The following LHFPL3 variants were observed in gnomAD, a reference collection of about 807,000 sequenced individuals.
LHFPL3 encodes the protein LHFPL tetraspan subfamily member 3, also known as LHFPL tetraspan subfamily member 3 protein.
Under a neutral mutation model 19.3 loss-of-function variants are expected in LHFPL3, and 5 were observed. The observed-to-expected ratio is 0.26, with a 90% CI of 0.14 to 0.54. The LOEUF is 0.54. LHFPL3 is among the 20% of genes least tolerant of loss of function. LHFPL3 has a pLI of 0.94. For missense variants in LHFPL3, 249 were observed against 307.4 expected (o/e 0.81, Z 1.42); for synonymous variants, 133 against 126.2 (o/e 1.05, Z -0.36).
chr7:104,732,346 T>C (rs1250022648), intron 1 of LHFPL3, among the ~76,000 whole-genome samples: 1 of 152,198 alleles, frequency 6.6e-6, no homozygotes, highest in Non-Finnish European at 1.5e-5. Flanking sequence ...TGTGAATCCA[T>C]CTGATCCTGG....
intron 1 of LHFPL3, among the ~76,000 whole-genome samples, chr7:104,589,129 C>T (rs1443974549): frequency 2.0e-5 from 3 of 152,102 alleles, no homozygotes; most frequent in East Asian, 1.9e-4. Context: ...ATTGCCCTGG[C>T]CAGAACTTCC....
chr7:104,649,959 T>C (rs1792000537), intron 1 of LHFPL3, among the ~76,000 whole-genome samples: 1 of 152,192 alleles, frequency 6.6e-6, no homozygotes, highest in African/African-American at 2.4e-5. Context: ...ATCTGCCTTT[T>C]TGATAGATCC....
At chr7:104,329,277 G>GGGGAGGGGCCAGAGT in intron 1 of LHFPL3, 53 bp downstream of exon 1, 1 of 1,541,786 alleles carries the variant, frequency 6.5e-7, no homozygotes, top group Non-Finnish European at 8.7e-7. Context: ...CGCCCGAGCC[G>GGGGAGGGGCCAGAGT]GGGAGGGGCC....
intron 1 of LHFPL3, among the ~76,000 whole-genome samples, chr7:104,434,841 T>A (rs1792072192): frequency 6.6e-6 from 1 of 152,224 alleles, no homozygotes; most frequent in African/African-American, 2.4e-5. Flanking sequence ...TGATCAATTC[T>A]ACAGACCATT....
chr7:104,628,979 T>G (rs561846099), intron 1 of LHFPL3, among the ~76,000 whole-genome samples: 1 of 152,358 alleles, frequency 6.6e-6, no homozygotes, highest in Non-Finnish European at 1.5e-5. Flanking sequence ...TAAAATGCCT[T>G]GGAAAAATTA....
chr7:104,646,579 T>G (rs1791939820), intron 1 of LHFPL3, among the ~76,000 whole-genome samples: 1 of 152,240 alleles, frequency 6.6e-6, no homozygotes, highest in Non-Finnish European at 1.5e-5. Flanking sequence ...TTGTTTTAAC[T>G]GGGAAGATTC....
intron 1 of LHFPL3, among the ~76,000 whole-genome samples, chr7:104,601,210 G>T (rs1790959159): frequency 6.6e-6 from 1 of 152,198 alleles, no homozygotes; most frequent in Non-Finnish European, 1.5e-5. Context: ...TCTGCTGGAA[G>T]ATGAAGGGGG....
chr7:104,391,387 T>C (rs1326508941), intron 1 of LHFPL3, among the ~76,000 whole-genome samples: 1 of 152,222 alleles, frequency 6.6e-6, no homozygotes, highest in African/African-American at 2.4e-5. Flanking sequence ...GGATCCAGTT[T>C]CAGCTTTCTA....
At chr7:104,436,258 A>G (rs914745272) in intron 1 of LHFPL3, among the ~76,000 whole-genome samples, 5 of 152,178 alleles carry the variant, frequency 3.3e-5, no homozygotes, top group Non-Finnish European at 7.4e-5. Flanking sequence ...AGTGGTTTGC[A>G]TTATATTTTT....
At chr7:104,421,629 C>T (rs41389845) in intron 1 of LHFPL3, among the ~76,000 whole-genome samples, 1 of 152,078 alleles carries the variant, frequency 6.6e-6, no homozygotes, top group Non-Finnish European at 1.5e-5. Flanking sequence ...GCTGTCAACA[C>T]TGGAGATTCC....
intron 1 of LHFPL3, among the ~76,000 whole-genome samples, chr7:104,514,068 C>G (rs1339865416): frequency 6.6e-6 from 1 of 152,232 alleles, no homozygotes; most frequent in Admixed American, 6.5e-5. Context: ...TGGTTATTAG[C>G]TCTCTTAACA....
At chr7:104,905,412 T>C (rs1047223580) in intron 2 of LHFPL3, among the ~76,000 whole-genome samples, 1 of 152,136 alleles carries the variant, frequency 6.6e-6, no homozygotes, top group African/African-American at 2.4e-5. Context: ...GGCAGAATAT[T>C]ATGCAGCCAT....
At chr7:104,835,266 G>T (rs1562808932) in intron 2 of LHFPL3, among the ~76,000 whole-genome samples, 1 of 150,906 alleles carries the variant, frequency 6.6e-6, no homozygotes, top group Admixed American at 6.6e-5. Flanking sequence ...CAGAGTAAGT[G>T]CCCCTTAAAT....
intron 2 of LHFPL3, among the ~76,000 whole-genome samples, chr7:104,870,299 T>C (rs1294543383): frequency 6.6e-6 from 1 of 152,162 alleles, no homozygotes; most frequent in South Asian, 2.1e-4. Flanking sequence ...AAGCAACACA[T>C]AGCAATGGCT....
rs558565257 is a variant in LHFPL3 at position 104,423,090 on chromosome 7, T to G, written c.445+93866T>G. On this transcript the variant is annotated intron_variant, in intron 1 of 2. Transcript: ENST00000424859. ...GGAAGAGAGAAAATAAATTACAGAGTGCATAAGGTCAGTGTGTCAGGAGGT... is the reference window on the plus strand; with the variant it reads ...GGAAGAGAGAAAATAAATTACAGAGGGCATAAGGTCAGTGTGTCAGGAGGT... Among the ~76,000 whole-genome samples, 32 of 152,050 alleles carry G rather than the reference T, an allele frequency of 2.1e-4. No homozygotes were observed. In the South Asian group the frequency reaches 5.6e-3, roughly 27 times the overall value.
intron 1 of LHFPL3, among the ~76,000 whole-genome samples, chr7:104,340,879 A>G (rs1388076091): frequency 6.6e-6 from 1 of 152,226 alleles, no homozygotes; most frequent in Non-Finnish European, 1.5e-5. Context: ...GAACTGTTTG[A>G]TAACTGCAAC....
intron 1 of LHFPL3, among the ~76,000 whole-genome samples, chr7:104,704,702 C>T (rs901890709): frequency 6.6e-6 from 1 of 151,580 alleles, no homozygotes; most frequent in African/African-American, 2.4e-5. Context: ...ATGGCGTGAT[C>T]ACGGCTTACT....
chr7:104,733,279 T>C (rs1281638835), intron 1 of LHFPL3, among the ~76,000 whole-genome samples: 1 of 152,180 alleles, frequency 6.6e-6, no homozygotes, highest in Non-Finnish European at 1.5e-5. Flanking sequence ...TGGATATCCT[T>C]GTTAACTTTC....
intron 1 of LHFPL3, among the ~76,000 whole-genome samples, chr7:104,606,153 A>C (rs1791095692): frequency 6.6e-6 from 1 of 152,108 alleles, no homozygotes; most frequent in South Asian, 2.1e-4. Context: ...GAGCCACCAC[A>C]CCTGGCCAAA....
Sources: allele counts gnomAD v4.1 joint callset (sites outside exome capture counted in the v4.1 genomes callset), GRCh38; gene constraint gnomAD v4.1.1; transcripts MANE v1.5; gene names NCBI Gene and HGNC (gene_info 2026-07-23, HGNC 2026-07-21).